CFAP54: variants seen among roughly 807,000 people sequenced by gnomAD.
CFAP54 encodes the protein cilia and flagella associated protein 54.
A neutral mutation model predicts 370.4 loss-of-function variants in CFAP54; 290 were observed. That is an observed-to-expected ratio of 0.78 (90% CI 0.71 to 0.86). CFAP54 has a LOEUF of 0.86. Ranked by LOEUF, CFAP54 falls within the 40% of genes least tolerant of loss-of-function variation. The pLI is 0.00. For synonymous variants in CFAP54, 1,206 were observed against 1,236.5 expected, an observed-to-expected ratio of 0.98 and a Z score of 0.52; for missense variants, 3,399 against 3,528.7, an observed-to-expected ratio of 0.96 and a Z score of 0.93.
chr12:96,574,908 T>C (rs1955960233), intron 19 of CFAP54, among the ~76,000 whole-genome samples: 1 of 152,168 alleles, frequency 6.6e-6, no homozygotes, highest in Non-Finnish European at 1.5e-5. Context: ...TATCTGTTTC[T>C]CTCTGTATTT....
At chr12:96,497,346 A>C (rs946018435) in intron 1 of CFAP54, among the ~76,000 whole-genome samples, 1 of 152,232 alleles carries the variant, frequency 6.6e-6, no homozygotes, top group Non-Finnish European at 1.5e-5. Context: ...GAAGGAGAAG[A>C]AGAAAGTTGG....
In CFAP54 at chr12:96,658,243, T is replaced by C. The variant is rs547050625; in HGVS notation, c.5357T>C (p.Leu1786Pro). 2 of 1,614,164 alleles carry C rather than the reference T, an allele frequency of 1.2e-6. No homozygotes were observed. Among genetic ancestry groups the C allele is most frequent in the Non-Finnish European group, 1.7e-6 (2 of 1,180,002 alleles). ...ERYTEQVTPLLVYAQRQLLLR... is the reference protein window; with the variant it reads ...ERYTEQVTPLPVYAQRQLLLR... ...TATACAGAACAAGTGACACCACTTC[T>C]GGTGTATGCACAGCGCCAGCTTCTG... The change falls in exon 38 of 68, where the codon CTG (leucine) becomes CCG (proline). Residue 1786 changes from leucine to proline, a missense_variant. By Grantham distance (98) the Leu-to-Pro change is moderately conservative. Coordinates refer to ENST00000524981, the MANE Select transcript of CFAP54 (RefSeq NM_001306084.2).
intron 17 of CFAP54, among the ~76,000 whole-genome samples, chr12:96,555,399 A>C (rs1955741167): frequency 6.6e-6 from 1 of 151,874 alleles, no homozygotes; most frequent in Non-Finnish European, 1.5e-5. Context: ...AAGATGAAAA[A>C]AATATTTATA....
intron 66 of CFAP54, among the ~76,000 whole-genome samples, chr12:96,840,238 G>T (rs1015884568): frequency 6.6e-6 from 1 of 152,234 alleles, no homozygotes; most frequent in Admixed American, 6.5e-5. Context: ...GACCCACACG[G>T]TAGAGGATAA....
At chr12:96,826,854 TATATTATATA>T (rs1959118310) in intron 65 of CFAP54, among the ~76,000 whole-genome samples, 1 of 117,872 alleles carries the variant, frequency 8.5e-6, no homozygotes, top group Non-Finnish European at 1.6e-5. Context: ...TATTATATAA[TATATTATATA>T]ATATTATGAT....
At chr12:96,594,744 G>C (rs1956159643) in intron 25 of CFAP54, among the ~76,000 whole-genome samples, 1 of 152,036 alleles carries the variant, frequency 6.6e-6, no homozygotes, top group Non-Finnish European at 1.5e-5. Flanking sequence ...TGTTCTTGTA[G>C]TGTCAGAAAC....
At chr12:96,543,016 T>G (rs1955594705) in intron 14 of CFAP54, among the ~76,000 whole-genome samples, 1 of 152,244 alleles carries the variant, frequency 6.6e-6, no homozygotes, top group Admixed American at 6.5e-5. Flanking sequence ...CACCTGGTAG[T>G]TAGAGCTGGA....
chr12:96,658,466 C>T lies in CFAP54; in HGVS notation c.5460+120C>T, dbSNP rs569671895. On this transcript the variant is annotated intron_variant, in intron 38 of 67. Transcript: ENST00000524981. The stretch of plus-strand genomic sequence containing the variant: ...ATTTCTGCTTTAGTATTTCCACTTA[C>T]TGGCATTTATCATTCAAATCAACAA... 4.1e-5 allele frequency: 50 copies of T among 1,212,998 alleles called. No individual in the cohort carries two copies. The East Asian group carries it at 8.5e-4, about 21-fold the overall frequency. The allele number at this position is 1,212,998 out of a possible 1,614,324, so 75.1% of individuals were successfully genotyped here.
intron 4 of CFAP54, among the ~76,000 whole-genome samples, chr12:96,509,780 C>G (rs962701542): frequency 2.0e-5 from 3 of 150,264 alleles, no homozygotes; most frequent in Admixed American, 6.6e-5. Context: ...CATGCCACTG[C>G]ACTCCAGCTT....
At chr12:96,765,846 A>T (rs1958397464) in intron 60 of CFAP54, among the ~76,000 whole-genome samples, 1 of 152,268 alleles carries the variant, frequency 6.6e-6, no homozygotes, top group Non-Finnish European at 1.5e-5. Context: ...GTAAACTATA[A>T]TATAAACCTC....
intron 45 of CFAP54, among the ~76,000 whole-genome samples, chr12:96,698,876 A>G (rs1957462652): frequency 6.6e-6 from 1 of 152,030 alleles, no homozygotes; most frequent in Admixed American, 6.6e-5. Context: ...ATGAAAGTAC[A>G]CTCCACAGTG....
At chr12:96,752,861 T>C (rs944965989) in intron 55 of CFAP54, among the ~76,000 whole-genome samples, 3 of 152,210 alleles carry the variant, frequency 2.0e-5, no homozygotes, top group African/African-American at 7.2e-5. Context: ...CCAGACTGCC[T>C]AGGTTCAAAT....
rs1225535605 is a variant in CFAP54, at chr12:96,594,461, C to G, written c.3516+15C>G. On this transcript the variant is annotated intron_variant, in intron 25 of 67. Coordinates refer to ENST00000524981, the MANE Select transcript of CFAP54 (RefSeq NM_001306084.2). ...CTGTTGTACAGGTAAGGGTATTCCT[C>G]TCCCCAAGAGAAGGGAATCTTTATA... 31 of 1,464,454 alleles carry G rather than the reference C, an allele frequency of 2.1e-5. No homozygotes were observed. Among genetic ancestry groups the G allele is most frequent in the Non-Finnish European group, 2.6e-5 (29 of 1,099,660 alleles). The allele number at this position is 1,464,454 out of a possible 1,614,324, so 90.7% of individuals were successfully genotyped here. A position where few individuals can be genotyped will look rare whatever the true frequency, so the allele number is the denominator to read the frequency against.
chr12:96,788,663 AT>A lies in CFAP54; in HGVS notation c.8679+1776del, dbSNP rs112699766. ...ATGTTTTGGGTAGATTAAATTATAC[AT>A]TTTTTTTTTTAAAAATCACTCTTTT... On this transcript the variant is annotated intron_variant, in intron 62 of 67. Coordinates refer to ENST00000524981, the MANE Select transcript of CFAP54 (RefSeq NM_001306084.2). Among the ~76,000 whole-genome samples, 1,166 of 150,308 alleles carry A rather than the reference AT, an allele frequency of 7.8e-3. 17 individuals are homozygous for A. Among genetic ancestry groups the A allele is most frequent in the African/African-American group, 0.026 (1,059 of 41,152 alleles).
chr12:96,554,148 T>C, intron 15 of CFAP54, 34 bp from the exon 16 acceptor site: 1 of 1,391,664 alleles, frequency 7.2e-7, no homozygotes, highest in South Asian at 1.4e-5. Context: ...TTCCCTTGTT[T>C]TATTTTTCTT....
At chr12:96,631,230 A>G (rs1016698249) in intron 32 of CFAP54, among the ~76,000 whole-genome samples, 1 of 151,868 alleles carries the variant, frequency 6.6e-6, no homozygotes, top group Non-Finnish European at 1.5e-5. Context: ...TATTTAAATT[A>G]TGACATATTT....
chr12:96,826,416 CATATATA>C (rs925887774), intron 65 of CFAP54, among the ~76,000 whole-genome samples: 4 of 123,074 alleles, frequency 3.3e-5, no homozygotes, highest in Non-Finnish European at 4.9e-5. Context: ...ATATAACAAA[CATATATA>C]ATATATAATA....
At chr12:96,791,732 G>A (rs1260325319) in intron 62 of CFAP54, among the ~76,000 whole-genome samples, 2 of 152,130 alleles carry the variant, frequency 1.3e-5, no homozygotes, top group African/African-American at 2.4e-5. Flanking sequence ...TAGAAACAGT[G>A]GTAATGTTGA....
chr12:96,858,071 G>T (rs776512835), intron 66 of CFAP54, among the ~76,000 whole-genome samples: 2 of 152,124 alleles, frequency 1.3e-5, no homozygotes, highest in African/African-American at 4.8e-5. Context: ...TTAGCTCTTT[G>T]AGGAATCACC....
Sources: gnomAD v4.1 joint callset for allele counts (sites outside exome capture counted in the v4.1 genomes callset) on GRCh38, gnomAD v4.1.1 for gene constraint, MANE v1.5 for transcripts, NCBI Gene and HGNC (gene_info 2026-07-23, HGNC 2026-07-21) for gene names.